The following WWOX variants were observed in gnomAD, a reference collection of about 807,000 sequenced individuals.
The protein encoded by WWOX is WW domain-containing oxidoreductase.
A neutral mutation model predicts 46.2 loss-of-function variants in WWOX; 69 were observed. That is an observed-to-expected ratio of 1.49 (90% CI 1.23 to 1.82). WWOX has a LOEUF of 1.82. Ranked by LOEUF, WWOX falls within the 40% of genes most tolerant of loss-of-function variation. The probability of loss-of-function intolerance (pLI) is 0.00; values close to 1 mark genes in which losing one functional copy is unlikely to be tolerated. For synonymous variants in WWOX, 359 were observed against 202.6 expected, an observed-to-expected ratio of 1.77 and a Z score of -6.56; for missense variants, 919 against 542.6, an observed-to-expected ratio of 1.69 and a Z score of -6.89.
At chr16:79,036,436 C>G (rs79218990) in intron 8 of WWOX, among the ~76,000 whole-genome samples, 4,717 of 152,346 alleles carry the variant, frequency 0.031, 78 homozygotes, top group Middle Eastern at 0.054. Flanking sequence ...ATATAAGTAT[C>G]TGCATTTGCT....
chr16:78,852,698 A>T (rs1049249409), intron 8 of WWOX, among the ~76,000 whole-genome samples: 12 of 152,196 alleles, frequency 7.9e-5, no homozygotes, highest in African/African-American at 2.2e-4. Flanking sequence ...GCTACACACC[A>T]ATATTAATAC....
At position 78,395,042 on chromosome 16, in the gene WWOX, A is replaced by G. The variant is rs893140549; in HGVS notation, c.605+8094A>G. Among the ~76,000 whole-genome samples, 19 of 152,308 alleles carry G rather than the reference A, an allele frequency of 1.2e-4. No individual in the cohort carries two copies. In the East Asian group the frequency reaches 3.7e-3, roughly 29 times the overall value. Reference sequence around the variant, plus strand: ...TGCATGAAATTACCAGACACATCTCACTTTATGGAGCCTGGGGCTATTGGT... The same window carrying G: ...TGCATGAAATTACCAGACACATCTCGCTTTATGGAGCCTGGGGCTATTGGT... On this transcript the variant is annotated intron_variant, in intron 6 of 8. Transcript: ENST00000566780.
rs549989849 is a variant in WWOX at position 78,673,332 on chromosome 16, A to G, written c.1056+240580A>G. On this transcript the variant is annotated intron_variant, in intron 8 of 8. Transcript: ENST00000566780. ...GCCCCAGTCTCTTTCTCTGAGTAGC[A>G]GAGAGCTGGCTGTGCTAGGAAACTC... Among the ~76,000 whole-genome samples the G allele has an allele frequency of 3.9e-5, 6 of 152,336 alleles. No homozygotes were observed. In the East Asian group the frequency reaches 1.2e-3, roughly 29 times the overall value.
intron 8 of WWOX, among the ~76,000 whole-genome samples, chr16:79,149,436 A>G (rs1023032390): frequency 1.4e-4 from 21 of 152,176 alleles, no homozygotes; most frequent in Non-Finnish European, 3.1e-4. Context: ...GTTTGCTAAC[A>G]TTTTGTGGAT....
chr16:79,037,292 A>G (rs749645102), intron 8 of WWOX, among the ~76,000 whole-genome samples: 1 of 152,088 alleles, frequency 6.6e-6, no homozygotes, highest in African/African-American at 2.4e-5. Context: ...CCCTGCCTGG[A>G]AAGTGCTGGG....
chr16:78,984,568 T>G (rs2046747644), intron 8 of WWOX, among the ~76,000 whole-genome samples: 2 of 150,920 alleles, frequency 1.3e-5, no homozygotes, highest in African/African-American at 4.9e-5. Context: ...GAGCAGAGAG[T>G]TCTGGCATCA....
intron 8 of WWOX, among the ~76,000 whole-genome samples, chr16:78,566,296 G>C (rs140985734): frequency 1.2e-3 from 177 of 152,292 alleles, no homozygotes; most frequent in African/African-American, 4.1e-3. Context: ...GGGAGCTGGG[G>C]AGAGGAACAC....
intron 8 of WWOX, among the ~76,000 whole-genome samples, chr16:79,001,202 G>C (rs1321007931): frequency 1.3e-5 from 2 of 152,194 alleles, no homozygotes; most frequent in Non-Finnish European, 2.9e-5. Context: ...AGAAGATGCA[G>C]TCTCGAGGAA....
chr16:79,169,771 C>G (rs560817860), intron 8 of WWOX, among the ~76,000 whole-genome samples: 71 of 152,178 alleles, frequency 4.7e-4, no homozygotes, highest in Non-Finnish European at 8.2e-4. Context: ...CTCCTTTTGT[C>G]ACTCTAGGGA....
At chr16:78,178,459 G>T (rs2035420214) in intron 5 of WWOX, among the ~76,000 whole-genome samples, 1 of 152,138 alleles carries the variant, frequency 6.6e-6, no homozygotes, top group South Asian at 2.1e-4. Context: ...CCACCATCTG[G>T]AACCTTCTGG....
chr16:78,574,702 C>T (rs2044804909), intron 8 of WWOX, among the ~76,000 whole-genome samples: 1 of 151,556 alleles, frequency 6.6e-6, no homozygotes, highest in South Asian at 2.1e-4. Flanking sequence ...CAGACACAGA[C>T]AGACAAAGAC....
At chr16:78,425,762 A>G (rs549044864) in intron 7 of WWOX, among the ~76,000 whole-genome samples, 2 of 152,214 alleles carry the variant, frequency 1.3e-5, no homozygotes, top group East Asian at 1.9e-4. Flanking sequence ...GATTTAATAC[A>G]TGTTAGGGAG....
At chr16:78,579,455 G>A (rs537811687) in intron 8 of WWOX, among the ~76,000 whole-genome samples, 1 of 152,100 alleles carries the variant, frequency 6.6e-6, no homozygotes, top group Non-Finnish European at 1.5e-5. Flanking sequence ...GGGAGGGGAG[G>A]AGCGTGAGTT....
intron 8 of WWOX, among the ~76,000 whole-genome samples, chr16:79,160,670 C>G (rs941050008): frequency 1.3e-5 from 2 of 152,118 alleles, no homozygotes; most frequent in African/African-American, 2.4e-5. Flanking sequence ...GCTCACTGAT[C>G]ACGTCCCATA....
chr16:78,197,830 G>T (rs2151771109), intron 5 of WWOX, among the ~76,000 whole-genome samples: 1 of 152,284 alleles, frequency 6.6e-6, no homozygotes, highest in Admixed American at 6.5e-5. Flanking sequence ...CCACGCTGCT[G>T]ATACCTTGGC....
At chr16:78,322,075 A>G (rs1251377031) in intron 5 of WWOX, among the ~76,000 whole-genome samples, 2 of 152,174 alleles carry the variant, frequency 1.3e-5, no homozygotes, top group East Asian at 1.9e-4. Context: ...TAGTTGTACA[A>G]AAAGCCAAAT....
chr16:78,372,402 C>G (rs917150147), intron 5 of WWOX, among the ~76,000 whole-genome samples: 1 of 152,128 alleles, frequency 6.6e-6, no homozygotes, highest in Non-Finnish European at 1.5e-5. Context: ...GGAGTAGAGA[C>G]AGAATATCAG....
chr16:78,524,000 C>G (rs1367340832), intron 8 of WWOX, among the ~76,000 whole-genome samples: 1 of 152,206 alleles, frequency 6.6e-6, no homozygotes, highest in Non-Finnish European at 1.5e-5. Flanking sequence ...ACACAATTCA[C>G]TTAGGACTCT....
intron 8 of WWOX, among the ~76,000 whole-genome samples, chr16:79,175,101 T>C (rs907379993): frequency 1.3e-5 from 2 of 152,172 alleles, no homozygotes; most frequent in African/African-American, 4.8e-5. Context: ...TCTCTAGTGT[T>C]TGGGATTTGG....
Sources: allele counts gnomAD v4.1 joint callset (sites outside exome capture counted in the v4.1 genomes callset), GRCh38; gene constraint gnomAD v4.1.1; transcripts MANE v1.5; gene names NCBI Gene and HGNC (gene_info 2026-07-23, HGNC 2026-07-21).